Variants in BRD8 observed in about 807,000 individuals in gnomAD.
BRD8 encodes the protein bromodomain-containing protein 8.
In BRD8, 67 loss-of-function variants were observed where a neutral mutation model predicts 143.1. The ratio of observed to expected loss-of-function variants is 0.47; its 90% CI spans 0.38 to 0.57. The LOEUF is 0.57. BRD8 is among the 20% of genes least tolerant of loss of function. The probability of loss-of-function intolerance (pLI) is 0.00; values close to 1 mark genes in which losing one functional copy is unlikely to be tolerated. For synonymous variants in BRD8, 505 were observed against 517.1 expected, an observed-to-expected ratio of 0.98 and a Z score of 0.32; for missense variants, 1,103 against 1,503.0, an observed-to-expected ratio of 0.73 and a Z score of 4.40.
chr5:138,169,115 T>C (rs942036606), intron 8 of BRD8, 107 bp downstream of exon 8: 2 of 1,218,042 alleles, frequency 1.6e-6, no homozygotes, highest in African/African-American at 3.0e-5. Context: ...AGCATTCAGA[T>C]CAAGAGAGGA....
In BRD8 at chr5:138,160,651, T is replaced by A. The variant is rs561878681; in HGVS notation, c.2427+240A>T. Among the ~76,000 whole-genome samples the A allele has an allele frequency of 2.6e-5, 4 of 152,314 alleles. No individual in the cohort carries two copies. The East Asian group carries it at 5.8e-4, about 22-fold the overall frequency. ...ATATACATTCACCATTTTTAAAAAA[T>A]TTTATTTAAAAACTTTATGAAACTG... On this transcript the variant is annotated intron_variant, in intron 18 of 26. Coordinates refer to ENST00000254900, the MANE Select transcript of BRD8 (RefSeq NM_139199.2).
At chr5:138,147,948 A>G (rs1163498751) in intron 23 of BRD8, among the ~76,000 whole-genome samples, 1 of 151,556 alleles carries the variant, frequency 6.6e-6, no homozygotes, top group African/African-American at 2.4e-5. Context: ...AAAAAAAAAA[A>G]TTAATATTTT....
intron 10 of BRD8, 123 bp downstream of exon 10, chr5:138,166,395 G>A (rs1305543611): frequency 3.0e-6 from 2 of 660,038 alleles, no homozygotes; most frequent in Admixed American, 3.0e-5. Context: ...TAAGGATAAA[G>A]ATGGCACATG....
intron 26 of BRD8, 123 bp downstream of exon 26, chr5:138,140,582 C>T (rs755779824): frequency 1.7e-6 from 2 of 1,155,058 alleles, no homozygotes; most frequent in Admixed American, 1.8e-5. Flanking sequence ...ATTATCAATC[C>T]TTCAGGGCCT....
chr5:138,153,799 C>A (rs1345800319), intron 20 of BRD8, among the ~76,000 whole-genome samples: 1 of 151,720 alleles, frequency 6.6e-6, no homozygotes, highest in East Asian at 1.9e-4. Context: ...GCCTCAGCCT[C>A]CTGAGTAGCT....
intron 20 of BRD8, among the ~76,000 whole-genome samples, chr5:138,156,551 A>T (rs536143405): frequency 7.2e-5 from 11 of 152,312 alleles, no homozygotes; most frequent in African/African-American, 2.2e-4. Flanking sequence ...AATGTTCCTG[A>T]GGTAAGGGTC....
In BRD8 at chr5:138,164,370, G is replaced by C; in HGVS notation, c.1775C>G (p.Pro592Arg). 1.2e-6 allele frequency: 2 copies of C among 1,614,084 alleles called. No individual in the cohort carries two copies. Among genetic ancestry groups the C allele is most frequent in the Non-Finnish European group, 1.7e-6 (2 of 1,179,982 alleles). Residue 592 changes from proline to arginine, a missense_variant, in exon 13 of 27, where the codon CCC becomes CGC. By Grantham distance (103) the Pro-to-Arg change is moderately radical. This residue lies in a region of BRD8 where 139 missense variants were observed against 139.0 expected (regional missense o/e 1.00). Coordinates refer to ENST00000254900, the MANE Select transcript of BRD8 (RefSeq NM_139199.2). ...SMLSPSHGSN[P>R]IEDPLEAETQ... ...CTCTGCCTCTAAAGGATCTTCAATG[G>C]GATTTGAGCCATGTGATGGAGACAA...
intron 25 of BRD8, among the ~76,000 whole-genome samples, chr5:138,141,811 C>T (rs1222236829): frequency 3.3e-5 from 5 of 151,748 alleles, no homozygotes; most frequent in African/African-American, 1.2e-4. Context: ...GAAGGCACAG[C>T]AGTGTAGAAA....
intron 20 of BRD8, among the ~76,000 whole-genome samples, chr5:138,155,409 A>C (rs1218095018): frequency 1.3e-5 from 2 of 150,222 alleles, no homozygotes; most frequent in East Asian, 4.1e-4. Context: ...AGATTGCGCC[A>C]TTGCACTCCA....
At chr5:138,160,221 G>A (rs1482099531) in intron 18 of BRD8, 48 bp from the exon 19 acceptor site, 1 of 1,322,660 alleles carries the variant, frequency 7.6e-7, no homozygotes, top group East Asian at 2.3e-5. Flanking sequence ...GATTTAGTAG[G>A]GACAAATTAA....
At chr5:138,142,595 T>C (rs1175447412) in intron 25 of BRD8, among the ~76,000 whole-genome samples, 1 of 151,834 alleles carries the variant, frequency 6.6e-6, no homozygotes, top group African/African-American at 2.4e-5. Flanking sequence ...AAACCCTGTC[T>C]CTACTAAAAA....
Position 138,167,963 on chromosome 5 carries a change from T to C in BRD8, c.758A>G (p.Asn253Ser), listed in dbSNP as rs146565852. 2 of 1,613,882 alleles carry C rather than the reference T, an allele frequency of 1.2e-6. No homozygotes were observed. The highest frequency in any genetic ancestry group is 2.2e-5 in the East Asian group (1 of 44,872). ...TGCAGCAGGGGAGGCTGCAACAGTA[T>C]TGGGTGTTTGCTGTATCTCCCCACC... ...IHGGEIQQTP[N>S]TVAASPAASG... Residue 253 changes from asparagine (N) to serine (S), a missense_variant, in exon 9 of 27, where the codon AAT (asparagine) becomes AGT (serine). Asn to Ser is a conservative substitution (Grantham distance 46). Coordinates refer to ENST00000254900, the MANE Select transcript of BRD8 (RefSeq NM_139199.2).
rs1039189011 is a variant in BRD8, at chr5:138,139,939, G to A, written c.*135C>T. Reference sequence around the variant, plus strand: ...TTATGTCCACATGCATCTTTGACTCGTTGGTTGTGAGTTAAGGTATTATTC... The same window carrying A: ...TTATGTCCACATGCATCTTTGACTCATTGGTTGTGAGTTAAGGTATTATTC... On this transcript the variant is annotated 3_prime_UTR_variant, in exon 27 of 27. Coordinates refer to ENST00000254900, the MANE Select transcript of BRD8 (RefSeq NM_139199.2). 2.1e-5 allele frequency: 14 copies of A among 656,816 alleles called. 1 individual carries two copies. Among genetic ancestry groups the A allele is most frequent in the African/African-American group, 5.4e-5 (3 of 55,226 alleles). The allele number at this position is 656,816 out of a possible 1,614,324, so 40.7% of individuals were successfully genotyped here. A position where few individuals can be genotyped will look rare whatever the true frequency, so the allele number is the denominator to read the frequency against.
Position 138,165,948 on chromosome 5 carries a change from G to A in BRD8, c.1158C>T (p.Pro386=). 6.2e-7 allele frequency: 1 copy of A among 1,614,134 alleles called. No homozygotes were observed. The highest frequency in any genetic ancestry group is 8.5e-7 in the Non-Finnish European group (1 of 1,180,030). The change falls in exon 11 of 27, where the codon CCC becomes CCT. Residue 386 remains proline (P), a synonymous_variant. Coordinates refer to ENST00000254900, the MANE Select transcript of BRD8 (RefSeq NM_139199.2). ...VAEAPVGSKA[P]SIDGKEELDL... is the part of the protein sequence containing the mutation. ...CTAATTCTTCCTTCCCATCTATGCT[G>A]GGAGCCTTTGATCCAACAGGAGCCT...
At chr5:138,144,899 A>C (rs1752077530) in intron 25 of BRD8, among the ~76,000 whole-genome samples, 4 of 72,764 alleles carry the variant, frequency 5.5e-5, no homozygotes, top group African/African-American at 1.5e-4. Flanking sequence ...AGACCCTGTC[A>C]AAAAAAAAAA....
intron 25 of BRD8, 28 bp from the exon 26 acceptor site, chr5:138,140,910 A>AAATC (rs1751877415): frequency 1.9e-6 from 3 of 1,611,330 alleles, no homozygotes; most frequent in Non-Finnish European, 2.5e-6. Context: ...AAAACAAAGA[A>AAATC]AATCAAACCT....
At chr5:138,174,123 T>C (rs941135531) in intron 2 of BRD8, among the ~76,000 whole-genome samples, 1 of 151,994 alleles carries the variant, frequency 6.6e-6, no homozygotes, top group African/African-American at 2.4e-5. Context: ...AAATGGAGGA[T>C]TTAATTCTTT....
Position 138,140,928 on chromosome 5 carries a change from G to A in BRD8, c.3438-46C>T. ...ACAAAGAAAATCAAACCTTCATGTG[G>A]AACATATGATAACCTAACACGTTCT... On this transcript the variant is annotated intron_variant, in intron 25 of 26. Transcript: ENST00000254900. The A allele has an allele frequency of 1.9e-6, 3 of 1,593,520 alleles. No homozygotes were observed. In the Middle Eastern group the frequency reaches 5.0e-4, roughly 266 times the overall value.
intron 8 of BRD8, 65 bp from the exon 9 acceptor site, chr5:138,168,143 A>C (rs1753591443): frequency 8.2e-7 from 1 of 1,213,360 alleles, no homozygotes; most frequent in Non-Finnish European, 1.2e-6. Context: ...TTCCCAACAA[A>C]GCTCCAGCAG....
Sources: allele counts gnomAD v4.1 joint callset (sites outside exome capture counted in the v4.1 genomes callset), GRCh38; gene constraint gnomAD v4.1.1; regional missense constraint gnomAD v4.1.1; transcripts MANE v1.5; gene names NCBI Gene and HGNC (gene_info 2026-07-23, HGNC 2026-07-21).